Variants in DOCK3 observed in about 807,000 individuals in gnomAD.
The protein encoded by DOCK3 is dedicator of cytokinesis protein 3.
In DOCK3, 60 loss-of-function variants were observed where a neutral mutation model predicts 265.6. That is an observed-to-expected ratio of 0.23 (90% confidence interval 0.18 to 0.28). The LOEUF is 0.28. Ranked by LOEUF, DOCK3 falls within the 10% of genes least tolerant of loss-of-function variation. The pLI, the probability that DOCK3 is intolerant of heterozygous loss-of-function variation, is 1.00. For missense variants in DOCK3, 1,981 were observed against 2,594.3 expected (o/e 0.76, Z 5.14); for synonymous variants, 881 against 938.0 (o/e 0.94, Z 1.11).
intron 5 of DOCK3, among the ~76,000 whole-genome samples, chr3:50,972,088 T>A (rs762439753): frequency 1.6e-4 from 24 of 152,344 alleles, no homozygotes; most frequent in Non-Finnish European, 2.9e-4. Context: ...ATCTTGTGGC[T>A]CACAGTCAAA....
chr3:51,337,517 A>G (rs2084951539), intron 35 of DOCK3, among the ~76,000 whole-genome samples: 1 of 152,142 alleles, frequency 6.6e-6, no homozygotes, highest in Non-Finnish European at 1.5e-5. Flanking sequence ...TGCACAAGAA[A>G]CTAGATCTTC....
chr3:50,822,501 C>CTT (rs796519905), intron 2 of DOCK3, among the ~76,000 whole-genome samples: 1 of 145,738 alleles, frequency 6.9e-6, no homozygotes, highest in African/African-American at 2.5e-5. Flanking sequence ...AGCTCGGATA[C>CTT]TTTTTTTTTT....
intron 35 of DOCK3, 82 bp downstream of exon 35, chr3:51,333,335 A>G: frequency 7.4e-7 from 1 of 1,358,578 alleles, no homozygotes; most frequent in Non-Finnish European, 1.0e-6. Flanking sequence ...CTGAAAACTG[A>G]GACCATGTGC....
At chr3:51,368,243 GA>G (rs1236267511) in intron 49 of DOCK3, among the ~76,000 whole-genome samples, 1 of 152,186 alleles carries the variant, frequency 6.6e-6, no homozygotes, top group Non-Finnish European at 1.5e-5. Context: ...GCAGCCCACG[GA>G]GCAGGGCGGG....
intron 27 of DOCK3, among the ~76,000 whole-genome samples, chr3:51,290,363 T>G (rs539109615): frequency 9.9e-5 from 15 of 152,238 alleles, no homozygotes; most frequent in South Asian, 4.1e-4. Context: ...CCATAAAAAA[T>G]GATGAGTTCA....
At chr3:50,934,187 C>A (rs2051229748) in intron 5 of DOCK3, 110 bp downstream of exon 5, 2 of 766,226 alleles carry the variant, frequency 2.6e-6, no homozygotes, top group South Asian at 2.4e-5. Flanking sequence ...TGCAGTTTAT[C>A]AAACATATGT....
chr3:51,199,200 G>A (rs1386308160), intron 12 of DOCK3, among the ~76,000 whole-genome samples: 1 of 152,218 alleles, frequency 6.6e-6, no homozygotes, highest in Admixed American at 6.5e-5. Flanking sequence ...GTCAGTGGGT[G>A]CAGCACACCG....
intron 1 of DOCK3, among the ~76,000 whole-genome samples, chr3:50,687,943 C>CA (rs1424394044): frequency 1.1e-4 from 16 of 152,226 alleles, no homozygotes; most frequent in Admixed American, 1.0e-3. Context: ...GCCTTGTCAA[C>CA]ATTGCTGGAC....
intron 1 of DOCK3, among the ~76,000 whole-genome samples, chr3:50,711,255 T>TG (rs2036745780): frequency 6.6e-6 from 1 of 151,090 alleles, no homozygotes; most frequent in Non-Finnish European, 1.5e-5. Context: ...CTTGTAATGT[T>TG]GCTTAGTCCT....
chr3:50,676,344 C>A (rs1034128018), intron 1 of DOCK3, among the ~76,000 whole-genome samples: 1 of 152,132 alleles, frequency 6.6e-6, no homozygotes, highest in South Asian at 2.1e-4. Flanking sequence ...TATTTAAATT[C>A]GAGGACCAGC....
intron 11 of DOCK3, among the ~76,000 whole-genome samples, chr3:51,160,107 A>AGAT (rs1318345457): frequency 2.6e-5 from 4 of 152,240 alleles, no homozygotes; most frequent in Non-Finnish European, 4.4e-5. Flanking sequence ...CAATTGTTCA[A>AGAT]GATGATGTTT....
chr3:50,857,629 A>T (rs2046667222), intron 3 of DOCK3, among the ~76,000 whole-genome samples: 1 of 152,244 alleles, frequency 6.6e-6, no homozygotes, highest in South Asian at 2.1e-4. Flanking sequence ...ATATGGACAG[A>T]CACTTCTCAA....
chr3:50,847,882 CAAAA>C (rs3043428), intron 3 of DOCK3, among the ~76,000 whole-genome samples: 7,081 of 97,574 alleles, frequency 0.073, 286 homozygotes, highest in Non-Finnish European at 0.088. Flanking sequence ...GGCTCCATTT[CAAAA>C]AAAAAAAAAA....
At chr3:51,318,702 A>T (rs1483520046) in intron 32 of DOCK3, among the ~76,000 whole-genome samples, 2 of 152,100 alleles carry the variant, frequency 1.3e-5, no homozygotes, top group African/African-American at 4.8e-5. Flanking sequence ...ACTTACGTTT[A>T]TCTAGTAGCT....
At chr3:50,894,612 TAA>T (rs1166664251) in intron 4 of DOCK3, among the ~76,000 whole-genome samples, 7 of 152,250 alleles carry the variant, frequency 4.6e-5, no homozygotes, top group Middle Eastern at 3.4e-3. Flanking sequence ...AATTTTAGTA[TAA>T]GAGTTAAAAG....
chr3:50,904,653 C>A (rs2049380308), intron 4 of DOCK3, among the ~76,000 whole-genome samples: 2 of 152,064 alleles, frequency 1.3e-5, no homozygotes, highest in African/African-American at 4.8e-5. Context: ...AGTTTAAGTT[C>A]TTTGTAGATT....
chr3:50,824,140 G>A (rs1248319671), intron 2 of DOCK3, among the ~76,000 whole-genome samples: 1 of 152,108 alleles, frequency 6.6e-6, no homozygotes, highest in African/African-American at 2.4e-5. Context: ...ATTCTGTTGG[G>A]TTGTATGGGG....
intron 9 of DOCK3, among the ~76,000 whole-genome samples, chr3:51,107,585 A>G (rs993687713): frequency 6.6e-6 from 1 of 152,222 alleles, no homozygotes; most frequent in African/African-American, 2.4e-5. Context: ...AGCTGAGGAG[A>G]GAATCTCAGA....
intron 3 of DOCK3, among the ~76,000 whole-genome samples, chr3:50,844,426 A>G (rs2609018): frequency 0.099 from 15,070 of 151,848 alleles, 925 homozygotes; most frequent in Non-Finnish European, 0.13. Flanking sequence ...TCTCTATGTT[A>G]CCCAGGCGGG....
Sources: gnomAD v4.1 joint callset for allele counts (sites outside exome capture counted in the v4.1 genomes callset) on GRCh38, gnomAD v4.1.1 for gene constraint, MANE v1.5 for transcripts, NCBI Gene and HGNC (gene_info 2026-07-23, HGNC 2026-07-21) for gene names.